PANK1: variants seen among roughly 807,000 people sequenced by gnomAD.
PANK1 encodes pantothenate kinase 1, also known as pantothenic acid kinase 1.
Under a neutral mutation model 40.1 loss-of-function variants are expected in PANK1, and 18 were observed. The observed-to-expected ratio is 0.45, with a 90% confidence interval of 0.31 to 0.67. The LOEUF is 0.67. Ranked by LOEUF, PANK1 falls within the 30% of genes least tolerant of loss-of-function variation. The pLI is 0.06. For synonymous variants in PANK1, 242 were observed against 237.7 expected (o/e 1.02, Z -0.17); for missense variants, 457 against 599.6 (o/e 0.76, Z 2.48).
chr10:89,593,918 T>C lies in PANK1; in HGVS notation c.971A>G (p.Glu324Gly). The change falls in exon 4 of 7, where the codon GAA becomes GGA. Residue 324 changes from glutamate to glycine, a missense_variant. Around this residue, in one of 4 missense-constraint regions of PANK1, gnomAD observed 286 missense variants for 415.8 expected, o/e 0.69. Coordinates refer to ENST00000307534, the MANE Select transcript of PANK1 (RefSeq NM_148977.3). ...GGTGCTGTCGCCTTTAGCTGCCATT[T>C]CCAGAGCTTCTTCAAAGGTCTCACA... ...TGCETFEEAL[E>G]MAAKGDSTNV... 1 of 1,613,790 alleles carries C rather than the reference T, an allele frequency of 6.2e-7. No homozygotes were observed. Among genetic ancestry groups the C allele is most frequent in the Non-Finnish European group, 8.5e-7 (1 of 1,179,676 alleles).
chr10:89,580,180 C>G (rs939018069), downstream of PANK1: 23 of 152,286 alleles, frequency 1.5e-4, no homozygotes, highest in African/African-American at 5.5e-4. Flanking sequence ...TTATAGCCAT[C>G]CTACTTACAG....
In PANK1 at chr10:89,645,068, C is replaced by T. The variant is rs1212361481; in HGVS notation, c.-177G>A. ...TCCCCTCCTCCTGCCGACTCCCCCA[C>T]CTCCTCTGCGCCCTGCCCCCCGCGC... On this transcript the variant is annotated 5_prime_UTR_variant, in exon 1 of 7. The change creates a new upstream start codon in the 5' untranslated region. Transcript: ENST00000307534. The T allele has an allele frequency of 6.4e-7, 1 of 1,554,224 alleles. No individual in the cohort carries two copies. Among genetic ancestry groups the T allele is most frequent in the South Asian group, 1.2e-5 (1 of 84,864 alleles).
At chr10:89,585,059 C>T (rs985157023) in intron 6 of PANK1, among the ~76,000 whole-genome samples, 1 of 152,146 alleles carries the variant, frequency 6.6e-6, no homozygotes, top group African/African-American at 2.4e-5. Context: ...TAACAAAGTA[C>T]CCTAGACTGG....
At chr10:89,622,873 TATA>T (rs1389209416) in intron 1 of PANK1, among the ~76,000 whole-genome samples, 2 of 152,020 alleles carry the variant, frequency 1.3e-5, no homozygotes, top group Non-Finnish European at 1.5e-5. Context: ...AAGTTGTATT[TATA>T]ATAAGAAAAC....
At chr10:89,631,995 GT>G (rs1751447071) in intron 1 of PANK1, among the ~76,000 whole-genome samples, 1 of 140,858 alleles carries the variant, frequency 7.1e-6, no homozygotes, top group Admixed American at 7.0e-5. Flanking sequence ...TTTAAAAAGG[GT>G]TCTTTTCTTT....
chr10:89,594,873 G>A (rs1375883360), intron 3 of PANK1, among the ~76,000 whole-genome samples: 1 of 152,166 alleles, frequency 6.6e-6, no homozygotes, highest in African/African-American at 2.4e-5. Context: ...TATCGCCAGT[G>A]AACTCCCAGC....
chr10:89,583,767 C>T lies in PANK1; in HGVS notation c.*639G>A, dbSNP rs2133912466. 1 of 152,208 alleles carries T rather than the reference C, an allele frequency of 6.6e-6. No individual in the cohort carries two copies. The highest frequency in any genetic ancestry group is 1.9e-4 in the East Asian group (1 of 5,192). 9.4% of individuals were successfully genotyped at this position (152,208 alleles called of 1,614,324 possible). On this transcript the variant is annotated 3_prime_UTR_variant, in exon 7 of 7. Transcript: ENST00000307534. ...TAACTTTGTATTGAGCTGGTCAGCA[C>T]CTTCATTGATATGAACAATTATGTC...
chr10:89,612,081 G>T, intron 1 of PANK1, 33 bp from the exon 2 acceptor site: 1 of 1,552,548 alleles, frequency 6.4e-7, no homozygotes, highest in Non-Finnish European at 8.8e-7. Context: ...GCTGCTGAAT[G>T]CTATGCGTGC....
At chr10:89,623,631 T>C (rs1274170927) in intron 1 of PANK1, among the ~76,000 whole-genome samples, 1 of 152,164 alleles carries the variant, frequency 6.6e-6, no homozygotes. Context: ...GAAATTATTT[T>C]AACTTTGCTT....
intron 4 of PANK1, 67 bp from the exon 5 acceptor site, chr10:89,593,387 G>A: frequency 2.6e-6 from 4 of 1,547,268 alleles, no homozygotes; most frequent in East Asian, 2.3e-5. Flanking sequence ...TTCCACCAAA[G>A]TATTGTGGAA....
chr10:89,618,912 G>T (rs1330375187), intron 1 of PANK1, among the ~76,000 whole-genome samples: 1 of 152,170 alleles, frequency 6.6e-6, no homozygotes, highest in Non-Finnish European at 1.5e-5. Flanking sequence ...AACTTTTGTT[G>T]TTTTAAGCCA....
downstream of PANK1, chr10:89,579,747 T>C (rs1444254731): frequency 6.6e-6 from 1 of 152,184 alleles, no homozygotes; most frequent in South Asian, 2.1e-4. Flanking sequence ...TTTCTTTCCT[T>C]AATAGCAATT....
chr10:89,597,846 C>T (rs1226646626), intron 3 of PANK1, among the ~76,000 whole-genome samples: 4 of 152,188 alleles, frequency 2.6e-5, no homozygotes, highest in Non-Finnish European at 5.9e-5. Context: ...CTCTGATATT[C>T]CTGACAGTCC....
chr10:89,631,329 G>A (rs1686303007), intron 1 of PANK1, among the ~76,000 whole-genome samples: 1 of 152,226 alleles, frequency 6.6e-6, no homozygotes, highest in Non-Finnish European at 1.5e-5. Context: ...GAGTGATACG[G>A]ATTCAGGATC....
chr10:89,592,801 C>T (rs1844439670), intron 5 of PANK1: 2 of 535,850 alleles, frequency 3.7e-6, no homozygotes, highest in Admixed American at 1.9e-5. Flanking sequence ...CACAAGGCAA[C>T]ACTGTAAAGA....
chr10:89,588,487 G>A lies in PANK1; in HGVS notation c.1326+165C>T, dbSNP rs147413028. 5.2e-3 allele frequency among the ~76,000 whole-genome samples: 788 copies of A among 152,176 alleles called. 11 individuals carry two copies. The highest frequency in any genetic ancestry group is 7.3e-3 in the South Asian group (35 of 4,822). ...CCAGTCCTGGTTGTTGGATAAGAAC[G>A]CTTCCATTTTATATATGCTTTTTTC... On this transcript the variant is annotated intron_variant, in intron 6 of 6. Coordinates refer to ENST00000307534, the MANE Select transcript of PANK1 (RefSeq NM_148977.3).
chr10:89,588,915 T>C (rs1844284818), intron 5 of PANK1, 138 bp from the exon 6 acceptor site: 1 of 563,494 alleles, frequency 1.8e-6, no homozygotes, highest in Non-Finnish European at 2.8e-6. Flanking sequence ...TATTTCAACA[T>C]CGCCAAAATG....
At chr10:89,617,669 A>C (rs1845360913) in intron 1 of PANK1, among the ~76,000 whole-genome samples, 1 of 152,246 alleles carries the variant, frequency 6.6e-6, no homozygotes, top group Non-Finnish European at 1.5e-5. Context: ...TAAATCTTTC[A>C]ATTAGAATAG....
chr10:89,609,344 G>A lies in PANK1; in HGVS notation c.645+2352C>T, dbSNP rs1170684266. ...CTTCCAAAGTGCTGGGATTACAGGTGTGAGCCACTTTCGCCTGACTCTATA... is the reference window on the plus strand; with the variant it reads ...CTTCCAAAGTGCTGGGATTACAGGTATGAGCCACTTTCGCCTGACTCTATA... On this transcript the variant is annotated intron_variant, in intron 2 of 6. Coordinates refer to ENST00000307534, the MANE Select transcript of PANK1 (RefSeq NM_148977.3). 3.3e-5 allele frequency among the ~76,000 whole-genome samples: 5 copies of A among 152,352 alleles called. No individual in the cohort carries two copies. The South Asian group carries it at 1.0e-3, about 32-fold the overall frequency.
Sources: allele counts gnomAD v4.1 joint callset (sites outside exome capture counted in the v4.1 genomes callset), GRCh38; gene constraint gnomAD v4.1.1; regional missense constraint gnomAD v4.1.1; transcripts MANE v1.5; gene names NCBI Gene and HGNC (gene_info 2026-07-23, HGNC 2026-07-21).